CEP57: variants seen among roughly 807,000 people sequenced by gnomAD.
The protein encoded by CEP57 is centrosomal protein of 57 kDa.
CEP57 carries 40 observed loss-of-function variants against 68.0 expected under a neutral mutation model. The observed-to-expected ratio is 0.59, with a 90% CI of 0.46 to 0.77. The LOEUF is 0.77. CEP57 is among the 30% of genes least tolerant of loss of function. The probability of loss-of-function intolerance (pLI) is 0.00; values close to 1 mark genes in which losing one functional copy is unlikely to be tolerated. For missense variants in CEP57, 606 were observed against 580.7 expected (o/e 1.04, Z -0.45); for synonymous variants, 219 against 198.7 (o/e 1.10, Z -0.86).
intron 1 of CEP57, among the ~76,000 whole-genome samples, chr11:95,796,834 G>A (rs186702370): frequency 3.3e-5 from 5 of 152,168 alleles, no homozygotes; most frequent in African/African-American, 7.2e-5. Context: ...TTCCAAGAAC[G>A]GCTCACAGTA....
At chr11:95,810,273 C>T (rs2135306437) in intron 2 of CEP57, among the ~76,000 whole-genome samples, 1 of 152,266 alleles carries the variant, frequency 6.6e-6, no homozygotes, top group Admixed American at 6.5e-5. Flanking sequence ...TGGAAGCATT[C>T]CCTTTGAAAA....
In CEP57 at chr11:95,803,305, C is replaced by T. The variant is rs1344228294; in HGVS notation, c.202+3917C>T. ...GAATTAGATGGAGATGAATACTAAG[C>T]AAATGAAAATTAAAAAGTCAAGTAT... On this transcript the variant is annotated intron_variant, in intron 2 of 10. Transcript: ENST00000325542. Among the ~76,000 whole-genome samples, 5 of 152,098 alleles carry T rather than the reference C, an allele frequency of 3.3e-5. No homozygotes were observed. In the East Asian group the frequency reaches 7.7e-4, roughly 23 times the overall value.
intron 1 of CEP57, chr11:95,794,083 G>A (rs1234376801): frequency 6.3e-6 from 2 of 318,992 alleles, no homozygotes; most frequent in East Asian, 1.5e-4. Flanking sequence ...TTTTTTTAAA[G>A]CAAACATTAA....
chr11:95,817,712 T>C (rs1462090173), intron 4 of CEP57, 75 bp from the exon 5 acceptor site: 5 of 991,112 alleles, frequency 5.0e-6, no homozygotes, highest in Non-Finnish European at 8.2e-6. Flanking sequence ...AATAACAGCA[T>C]AGAAAAACAC....
chr11:95,807,075 T>G (rs1239571665), intron 2 of CEP57, among the ~76,000 whole-genome samples: 2 of 152,190 alleles, frequency 1.3e-5, no homozygotes, highest in Non-Finnish European at 2.9e-5. Flanking sequence ...TTTGCTTTTC[T>G]GCAGCTTCCG....
At chr11:95,815,510 T>A (rs1591069410) in intron 4 of CEP57, among the ~76,000 whole-genome samples, 1 of 82,398 alleles carries the variant, frequency 1.2e-5, no homozygotes, top group African/African-American at 3.0e-5. Context: ...TTATGGTATC[T>A]TTTTTTTTAT....
rs141039043 is a variant in CEP57, at chr11:95,819,001, T to G, written c.699+97T>G. On this transcript the variant is annotated intron_variant, in intron 6 of 10. Coordinates refer to ENST00000325542, the MANE Select transcript of CEP57 (RefSeq NM_014679.5). ...TTTAGGTATCTTACATTATTTGTAT[T>G]TTAGAATAGTCCAACATACAAATTT... 8.7e-4 allele frequency: 817 copies of G among 940,902 alleles called. 7 individuals carry two copies. The African/African-American group carries it at 9.7e-3, about 11-fold the overall frequency. 58.3% of individuals were successfully genotyped at this position (940,902 alleles called of 1,614,324 possible). A position where few individuals can be genotyped will look rare whatever the true frequency, so the allele number is the denominator to read the frequency against.
At chr11:95,802,255 A>ATT (rs1054489399) in intron 2 of CEP57, among the ~76,000 whole-genome samples, 8 of 138,270 alleles carry the variant, frequency 5.8e-5, no homozygotes, top group Admixed American at 1.5e-4. Flanking sequence ...ACGTGACATG[A>ATT]TTTTTTTTTT....
chr11:95,829,403 T>C (rs990887809), intron 10 of CEP57, 72 bp downstream of exon 10: 1 of 1,405,440 alleles, frequency 7.1e-7, no homozygotes, highest in Non-Finnish European at 1.0e-6. Flanking sequence ...AAATATTAAA[T>C]GATGACACTA....
Position 95,817,783 on chromosome 11 carries a change from T to C in CEP57, c.505-4T>C, listed in dbSNP as rs1248459778. 6.3e-7 allele frequency: 1 copy of C among 1,593,160 alleles called. No individual in the cohort carries two copies. Among genetic ancestry groups the C allele is most frequent in the East Asian group, 2.2e-5 (1 of 44,690 alleles). Reference sequence around the variant, plus strand: ...ATCAAGCCGTATTGAATATTGTTTTTCAGGTTTCCCTAGAAAGAGAACGAC... The same window carrying C: ...ATCAAGCCGTATTGAATATTGTTTTCCAGGTTTCCCTAGAAAGAGAACGAC... On this transcript the variant is annotated splice_region_variant and splice_polypyrimidine_tract_variant and intron_variant, in intron 4 of 10. Coordinates refer to ENST00000325542, the MANE Select transcript of CEP57 (RefSeq NM_014679.5).
intron 2 of CEP57, among the ~76,000 whole-genome samples, chr11:95,807,660 G>A (rs899035863): frequency 3.9e-5 from 6 of 152,128 alleles, no homozygotes; most frequent in African/African-American, 7.2e-5. Flanking sequence ...GAGAAGAGAA[G>A]TTTAGAGAAA....
intron 4 of CEP57, among the ~76,000 whole-genome samples, chr11:95,817,488 A>G (rs1028469535): frequency 6.6e-6 from 1 of 152,202 alleles, no homozygotes; most frequent in African/African-American, 2.4e-5. Flanking sequence ...GACCAAACTA[A>G]AAGTATTTGT....
intron 6 of CEP57, among the ~76,000 whole-genome samples, chr11:95,819,801 T>A (rs1340752101): frequency 1.3e-5 from 2 of 152,240 alleles, no homozygotes; most frequent in Non-Finnish European, 2.9e-5. Context: ...ATCTTTGTTA[T>A]GTTGTCTATT....
intron 2 of CEP57, among the ~76,000 whole-genome samples, chr11:95,806,158 T>C (rs985045657): frequency 6.6e-6 from 1 of 152,170 alleles, no homozygotes; most frequent in Non-Finnish European, 1.5e-5. Context: ...CTGTAAGATA[T>C]TTGAGAAAAA....
intron 2 of CEP57, among the ~76,000 whole-genome samples, chr11:95,811,831 T>A (rs948682881): frequency 6.6e-6 from 1 of 152,236 alleles, no homozygotes; most frequent in Non-Finnish European, 1.5e-5. Flanking sequence ...GCTATGATTC[T>A]TCTTTGACCC....
Position 95,811,155 on chromosome 11 carries a change from G to A in CEP57, c.203-1777G>A, listed in dbSNP as rs188151240. On this transcript the variant is annotated intron_variant, in intron 2 of 10. Coordinates refer to ENST00000325542, the MANE Select transcript of CEP57 (RefSeq NM_014679.5). ...ACACATGTATGTTTATTGCGGCACG[G>A]TTCACAATAGCAAAGACTTGGAACC... Among the ~76,000 whole-genome samples, 1,039 of 152,220 alleles carry A rather than the reference G, an allele frequency of 6.8e-3. 16 individuals carry two copies. The highest frequency in any genetic ancestry group is 0.023 in the African/African-American group (974 of 41,516).
Position 95,827,963 on chromosome 11 carries a change from G to C in CEP57, c.1063G>C (p.Gly355Arg). The change falls in exon 9 of 11, where the codon GGT becomes CGT. Residue 355 changes from glycine to arginine, a missense_variant. Transcript: ENST00000325542. ...GTCAGTAACACCTCCCTCCTCCAAC[G>C]GTATTAATGAGGAGTTGTCAGAAGT... Reference protein sequence around the residue: ...KLSVTPPSSNGINEELSEVLQ... With the variant: ...KLSVTPPSSNRINEELSEVLQ... The C allele has an allele frequency of 6.2e-7, 1 of 1,613,894 alleles. No homozygotes were observed. Among genetic ancestry groups the C allele is most frequent in the Non-Finnish European group, 8.5e-7 (1 of 1,179,902 alleles).
chr11:95,823,099 A>G (rs1368597769), intron 8 of CEP57: 1 of 156,312 alleles, frequency 6.4e-6, no homozygotes, highest in Non-Finnish European at 1.4e-5. Context: ...AAGTGCCTAA[A>G]ACTGTGCTAG....
rs961753332 is a variant in CEP57, at chr11:95,813,349, G to A, written c.383-119G>A. The A allele has an allele frequency of 1.0e-5, 13 of 1,261,672 alleles. No individual in the cohort carries two copies. The African/African-American group carries it at 1.0e-4, about 10-fold the overall frequency. 78.2% of individuals were successfully genotyped at this position (1,261,672 alleles called of 1,614,324 possible). ...AATGATTTAGGTAATCTGAAAAGGC[G>A]TCCAGGTCTGTGGAAGGTGTTTTTA... On this transcript the variant is annotated intron_variant, in intron 3 of 10. Transcript: ENST00000325542.
Sources: gnomAD v4.1 joint callset for allele counts (sites outside exome capture counted in the v4.1 genomes callset) on GRCh38, gnomAD v4.1.1 for gene constraint, MANE v1.5 for transcripts, NCBI Gene and HGNC (gene_info 2026-07-23, HGNC 2026-07-21) for gene names.